The following TBX5 variants were observed in gnomAD, a reference collection of about 807,000 sequenced individuals.
The protein encoded by TBX5 is T-box transcription factor TBX5.
TBX5 carries 8 observed loss-of-function variants against 51.1 expected under a neutral mutation model. The ratio of observed to expected loss-of-function variants is 0.16; its 90% confidence interval spans 0.09 to 0.28. The LOEUF (loss-of-function observed/expected upper bound fraction) is 0.28. Among genes scored for constraint, TBX5 ranks in the 10% least tolerant of loss-of-function variants. The pLI is 1.00. For synonymous variants in TBX5, 302 were observed against 266.4 expected (o/e 1.13, Z -1.30); for missense variants, 589 against 671.7 (o/e 0.88, Z 1.36).
At chr12:114,394,480 G>A (rs1871313331) in intron 6 of TBX5, among the ~76,000 whole-genome samples, 1 of 152,158 alleles carries the variant, frequency 6.6e-6, no homozygotes, top group Non-Finnish European at 1.5e-5. Context: ...TGAGTGTGTG[G>A]CCCATCTATG....
At position 114,357,395 on chromosome 12, in the gene TBX5, C is replaced by T. The variant is rs370746361; in HGVS notation, c.983-1289G>A. 2.0e-5 allele frequency among the ~76,000 whole-genome samples: 3 copies of T among 152,294 alleles called. No individual in the cohort carries two copies. In the East Asian group the frequency reaches 5.8e-4, roughly 29 times the overall value. The stretch of plus-strand genomic sequence containing the variant: ...CATACAATTTCAGGGGGTTCAAAGA[C>T]TCCCTAAAACCCAGACCCCAGGTTA... On this transcript the variant is annotated intron_variant, in intron 8 of 8. Coordinates refer to ENST00000405440, the MANE Select transcript of TBX5 (RefSeq NM_181486.4).
intron 7 of TBX5, among the ~76,000 whole-genome samples, chr12:114,383,736 A>T (rs1409177799): frequency 6.6e-6 from 1 of 152,202 alleles, no homozygotes; most frequent in Non-Finnish European, 1.5e-5. Flanking sequence ...GGTAACTGGT[A>T]AAGTTTGAAG....
At chr12:114,368,716 C>T (rs116752326) in intron 7 of TBX5, among the ~76,000 whole-genome samples, 1,869 of 152,314 alleles carry the variant, frequency 0.012, 36 homozygotes, top group African/African-American at 0.042. Flanking sequence ...TCTACCCCCT[C>T]AAGTGTGTGA....
rs959337810 is a variant in TBX5, at chr12:114,406,128, G to C, written c.-539C>G. On this transcript the variant is annotated 5_prime_UTR_variant, in exon 1 of 9. It adds an upstream start codon to the 5' untranslated region. Coordinates refer to ENST00000405440, the MANE Select transcript of TBX5 (RefSeq NM_181486.4). ...GAGCACAGTGACGTTGGGTTGCCTC[G>C]ATGCTCACAAAGTACTGAAATCGCC... 1 of 709,516 alleles carries C rather than the reference G, an allele frequency of 1.4e-6. No individual in the cohort carries two copies. The highest frequency in any genetic ancestry group is 1.7e-6 in the Non-Finnish European group (1 of 578,938). The allele number at this position is 709,516 out of a possible 1,614,324, so 44.0% of individuals were successfully genotyped here.
intron 5 of TBX5, 96 bp from the exon 6 acceptor site, chr12:114,394,989 A>G (rs1871344433): frequency 8.2e-7 from 1 of 1,225,304 alleles, no homozygotes; most frequent in Non-Finnish European, 1.2e-6. Context: ...TCGCCTTGTT[A>G]TATCGGCTCT....
chr12:114,394,620 G>C, intron 6 of TBX5, 121 bp downstream of exon 6: 1 of 1,343,200 alleles, frequency 7.4e-7, no homozygotes, highest in Non-Finnish European at 1.1e-6. Flanking sequence ...CAGCACCCTG[G>C]GGTCGAAGTT....
upstream of TBX5, among the ~76,000 whole-genome samples, chr12:114,407,548 G>A (rs1298509788): frequency 2.0e-5 from 3 of 152,116 alleles, no homozygotes; most frequent in East Asian, 5.8e-4. Flanking sequence ...GAAAAATCTG[G>A]ACTCTCCCAG....
intron 7 of TBX5, among the ~76,000 whole-genome samples, chr12:114,384,236 T>A (rs1870667710): frequency 6.6e-6 from 1 of 151,316 alleles, no homozygotes; most frequent in Non-Finnish European, 1.5e-5. Flanking sequence ...ACCACACTCC[T>A]TGTTTTTTTA....
chr12:114,354,730 CTATAGGCCACG>C lies in TBX5; in HGVS notation c.*791_*801del, dbSNP rs1868775911. ...CAAAGCAAGCTTTCCGGAAGGGAAG[CTATAGGCCACG>C]TTTTAGCGACAGACAGCTGGAAAGA... On this transcript the variant is annotated 3_prime_UTR_variant, in exon 9 of 9. Transcript: ENST00000405440. 1 of 152,682 alleles carries C rather than the reference CTATAGGCCACG, an allele frequency of 6.5e-6. No individual in the cohort carries two copies. Among genetic ancestry groups the C allele is most frequent in the Admixed American group, 6.6e-5 (1 of 15,260 alleles). The allele number at this position is 152,682 out of a possible 1,614,324, so 9.5% of individuals were successfully genotyped here.
At chr12:114,407,131 T>G (rs1221949240), upstream of TBX5, 3 of 984,410 alleles carry the variant, frequency 3.0e-6, no homozygotes, top group African/African-American at 5.2e-5. Context: ...CTGTGACTGC[T>G]CTGCTAAAAT....
In TBX5 at chr12:114,355,988, G is replaced by C. The variant is rs763029336; in HGVS notation, c.1101C>G (p.Ser367=). Residue 367 remains serine, a synonymous_variant, in exon 9 of 9, where the codon TCC becomes TCG. Coordinates refer to ENST00000405440, the MANE Select transcript of TBX5 (RefSeq NM_181486.4). ...SYPQQQGLGA[S]YRTESAQRQA... Reference sequence around the variant, plus strand: ...GCCGCTGTGCCGACTCTGTCCTGTAGGAGGCACCCAGGCCCTGCTGCTGTG... The same window carrying C: ...GCCGCTGTGCCGACTCTGTCCTGTACGAGGCACCCAGGCCCTGCTGCTGTG... 2 of 1,614,174 alleles carry C rather than the reference G, an allele frequency of 1.2e-6. No individual in the cohort carries two copies. Among genetic ancestry groups the C allele is most frequent in the Non-Finnish European group, 1.7e-6 (2 of 1,180,048 alleles).
intron 8 of TBX5, among the ~76,000 whole-genome samples, chr12:114,361,390 C>T (rs1438797919): frequency 6.6e-6 from 1 of 152,158 alleles, no homozygotes; most frequent in Non-Finnish European, 1.5e-5. Context: ...CATGGCTTTG[C>T]TAGAATCTTT....
At chr12:114,392,365 G>C (rs924005992) in intron 6 of TBX5, among the ~76,000 whole-genome samples, 8 of 152,056 alleles carry the variant, frequency 5.3e-5, no homozygotes, top group African/African-American at 1.9e-4. Context: ...TACACATGAA[G>C]CTTATCTAGT....
chr12:114,355,320 G>A lies in TBX5; in HGVS notation c.*212C>T, dbSNP rs1868813192. ...TTTTGTGTTTGTTTTTTTAAGTTTT[G>A]AGACAAAACAAGAAAGTCACATTTT... On this transcript the variant is annotated 3_prime_UTR_variant, in exon 9 of 9. Transcript: ENST00000405440. The A allele has an allele frequency of 1.4e-6, 1 of 701,482 alleles. No homozygotes were observed. Among genetic ancestry groups the A allele is most frequent in the Non-Finnish European group, 2.5e-6 (1 of 398,370 alleles). 43.5% of individuals were successfully genotyped at this position (701,482 alleles called of 1,614,324 possible).
chr12:114,382,342 C>G (rs888610064), intron 7 of TBX5, among the ~76,000 whole-genome samples: 1 of 152,036 alleles, frequency 6.6e-6, no homozygotes, highest in Admixed American at 6.5e-5. Context: ...TAAGTAAGTA[C>G]ACAAACAAAT....
chr12:114,358,777 T>TTTTGTTTG (rs34419380), intron 8 of TBX5, among the ~76,000 whole-genome samples: 11,940 of 150,658 alleles, frequency 0.079, 571 homozygotes, highest in Middle Eastern at 0.16. Context: ...GCGGGGTTTT[T>TTTTGTTTG]TTTGTTTGTT....
At chr12:114,384,550 C>A (rs954303810) in intron 7 of TBX5, among the ~76,000 whole-genome samples, 1 of 152,140 alleles carries the variant, frequency 6.6e-6, no homozygotes, top group East Asian at 1.9e-4. Context: ...GATTTAAGGT[C>A]TTTCTCCCTT....
At chr12:114,363,786 T>C (rs534607423) in intron 8 of TBX5, among the ~76,000 whole-genome samples, 2 of 152,302 alleles carry the variant, frequency 1.3e-5, no homozygotes, top group African/African-American at 4.8e-5. Flanking sequence ...ATCTACTCCA[T>C]AGTGTTGTCG....
intron 7 of TBX5, among the ~76,000 whole-genome samples, chr12:114,385,104 C>CAAA (rs4007268): frequency 4.9e-5 from 7 of 141,946 alleles, no homozygotes; most frequent in Non-Finnish European, 6.1e-5. Flanking sequence ...GAGCTGTTGC[C>CAAA]AAAAAAAAAA....
Sources: gnomAD v4.1 joint callset for allele counts (sites outside exome capture counted in the v4.1 genomes callset) on GRCh38, gnomAD v4.1.1 for gene constraint, MANE v1.5 for transcripts, NCBI Gene and HGNC (gene_info 2026-07-23, HGNC 2026-07-21) for gene names.